The following ATP6AP1 variants were observed in gnomAD, a reference collection of about 807,000 sequenced individuals.
ATP6AP1 encodes ATPase H+ transporting accessory protein 1.
In ATP6AP1, 1 loss-of-function variant was observed where a neutral mutation model predicts 32.0. That is an observed-to-expected ratio of 0.03 (90% CI 0.01 to 0.15). The LOEUF (loss-of-function observed/expected upper bound fraction) is 0.15. Among genes scored for constraint, ATP6AP1 ranks in the 10% least tolerant of loss-of-function variants. The pLI, the probability that ATP6AP1 is intolerant of heterozygous loss-of-function variation, is 1.00. For synonymous variants in ATP6AP1, 187 were observed against 174.9 expected, an observed-to-expected ratio of 1.07 and a Z score of -0.55; for missense variants, 297 against 398.8, an observed-to-expected ratio of 0.74 and a Z score of 2.17.
chrX:154,436,143 G>GT lies in ATP6AP1; in HGVS notation c.*253dup, dbSNP rs1263999423. 1.2e-5 allele frequency: 5 copies of GT among 403,602 alleles called. No homozygotes were observed. The highest frequency in any genetic ancestry group is 7.5e-5 in the African/African-American group (3 of 40,101). The allele number at this position is 403,602 out of a possible 1,213,427, so 33.3% of individuals were successfully genotyped here. On this transcript the variant is annotated 3_prime_UTR_variant, in exon 10 of 10. Coordinates refer to ENST00000369762, the MANE Select transcript of ATP6AP1 (RefSeq NM_001183.6). ...TTCCCAGGGTTCGTCGCTGTGAGGC[G>GT]TAAGGGACATGAATTCTAGGGTCTC... is the stretch of plus-strand genomic sequence containing the variant.
chrX:154,433,550 A>C, intron 5 of ATP6AP1, 85 bp from the exon 6 acceptor site: 1 of 950,248 alleles, frequency 1.1e-6, no homozygotes, highest in Non-Finnish European at 1.5e-6. Context: ...ATGGTCTAGA[A>C]GGTTTCTAAA....
chrX:154,428,900 G>C, intron 1 of ATP6AP1, 47 bp downstream of exon 1: 4 of 1,088,613 alleles, frequency 3.7e-6, no homozygotes, highest in Non-Finnish European at 4.7e-6. Flanking sequence ...AGGCGCCCTC[G>C]CCCGACTCCG....
rs782385991 is a variant in ATP6AP1, at chrX:154,435,824, G to T, written c.1346G>T (p.Ser449Ile). 10 of 1,210,305 alleles carry T rather than the reference G, an allele frequency of 8.3e-6. No homozygotes were observed. In the South Asian group the frequency reaches 1.8e-4, roughly 21 times the overall value. ...ACCTATGGCCTGCACATGATCCTCAGCCTCAAGACCATGGATCGCTTTGAT... is the reference window on the plus strand; with the variant it reads ...ACCTATGGCCTGCACATGATCCTCATCCTCAAGACCATGGATCGCTTTGAT... Reference protein sequence around the residue: ...IFTYGLHMILSLKTMDRFDDH... With the variant: ...IFTYGLHMILILKTMDRFDDH... Residue 449 changes from serine (S) to isoleucine (I), a missense_variant, in exon 10 of 10, where the codon AGC (serine) becomes ATC (isoleucine). This residue lies in a region of ATP6AP1 where 155 missense variants were observed against 253.8 expected (regional missense o/e 0.61). Coordinates refer to ENST00000369762, the MANE Select transcript of ATP6AP1 (RefSeq NM_001183.6).
rs782384749 is a variant in ATP6AP1, at chrX:154,435,312, G to A, written c.1010G>A (p.Arg337Gln). Reference protein sequence around the residue: ...LANRLYPVSARHWFTMERLEV... With the variant: ...LANRLYPVSAQHWFTMERLEV... Reference sequence around the variant, plus strand: ...AACCGCCTCTACCCAGTGTCTGCCCGGCACTGGTTTACCATGGAGCGCCTC... The same window carrying A: ...AACCGCCTCTACCCAGTGTCTGCCCAGCACTGGTTTACCATGGAGCGCCTC... The change falls in exon 9 of 10, where the codon CGG becomes CAG. Residue 337 changes from arginine to glutamine, a missense_variant. Arg to Gln is a conservative substitution (Grantham distance 43, BLOSUM62 1). Transcript: ENST00000369762. The A allele has an allele frequency of 3.3e-6, 4 of 1,210,175 alleles. No homozygotes were observed. Among genetic ancestry groups the A allele is most frequent in the Admixed American group, 2.2e-5 (1 of 45,856 alleles).
Position 154,432,321 on chromosome X carries a change from C to G in ATP6AP1, c.419C>G (p.Ala140Gly), listed in dbSNP as rs1466455409. The change falls in exon 4 of 10, where the codon GCA becomes GGA. Residue 140 changes from alanine (A) to glycine (G), a missense_variant. Physicochemically the swap from Ala to Gly is moderately conservative, Grantham distance 60. Coordinates refer to ENST00000369762, the MANE Select transcript of ATP6AP1 (RefSeq NM_001183.6). ...SLVLPAVDWY[A>G]VSTLTTYLQE... ...GTGCTTCCTGCCGTCGACTGGTATGCAGTCAGCACTCTGACCACTTACCTG... is the reference window on the plus strand; with the variant it reads ...GTGCTTCCTGCCGTCGACTGGTATGGAGTCAGCACTCTGACCACTTACCTG... The G allele has an allele frequency of 8.2e-7, 1 of 1,212,254 alleles. No homozygotes were observed.
chrX:154,435,379 C>T lies in ATP6AP1; in HGVS notation c.1077C>T (p.Ser359=). The change falls in exon 9 of 10, where the codon TCC becomes TCT. Residue 359 remains serine, a synonymous_variant. Coordinates refer to ENST00000369762, the MANE Select transcript of ATP6AP1 (RefSeq NM_001183.6). ...GCTCCGTCGCCTACTTCAATGCTTC[C>T]CAGGTCACAGGGCCCAGCATCTACT... is the stretch of plus-strand genomic sequence containing the variant. ...SNGSVAYFNA[S]QVTGPSIYSF... is the part of the protein sequence containing the mutation. 8.2e-7 allele frequency: 1 copy of T among 1,212,211 alleles called. No individual in the cohort carries two copies. Among genetic ancestry groups the T allele is most frequent in the Non-Finnish European group, 1.1e-6 (1 of 895,588 alleles).
At chrX:154,433,371 G>A (rs1557197139) in intron 5 of ATP6AP1, among the ~76,000 whole-genome samples, 1 of 112,401 alleles carries the variant, frequency 8.9e-6, no homozygotes, top group African/African-American at 3.2e-5. Context: ...GGTGGATGTG[G>A]AGTTTTCTGT....
rs782163047 is a variant in ATP6AP1, at chrX:154,429,260, G to C, written c.288+86G>C. The C allele has an allele frequency of 1.1e-4, 127 of 1,110,628 alleles. No homozygotes were observed. In the African/African-American group the frequency reaches 1.9e-3, roughly 17 times the overall value. The allele number at this position is 1,110,628 out of a possible 1,213,427, so 91.5% of individuals were successfully genotyped here. A position where few individuals can be genotyped will look rare whatever the true frequency, so the allele number is the denominator to read the frequency against. ...CATGACACTGACGCCCATTCCCCAA[G>C]GGAAGCTTCAGTGACCTTGTCCCAA... On this transcript the variant is annotated intron_variant, in intron 2 of 9. Coordinates refer to ENST00000369762, the MANE Select transcript of ATP6AP1 (RefSeq NM_001183.6).
chrX:154,435,013 GCTT>G, intron 7 of ATP6AP1, 123 bp from the exon 8 acceptor site: 1 of 728,759 alleles, frequency 1.4e-6, no homozygotes, highest in Non-Finnish European at 2.0e-6. Flanking sequence ...TGGGGACACT[GCTT>G]CTTCAGGTGG....
At chrX:154,435,002 G>A (rs2068711549) in intron 7 of ATP6AP1, 137 bp from the exon 8 acceptor site, 1 of 666,889 alleles carries the variant, frequency 1.5e-6, no homozygotes, top group East Asian at 3.5e-5. Flanking sequence ...TATCTGTCAA[G>A]TGGGGACACT....
At position 154,429,369 on chromosome X, in the gene ATP6AP1, A is replaced by G. The variant is rs1318216471; in HGVS notation, c.288+195A>G. 8.0e-6 allele frequency: 4 copies of G among 499,955 alleles called. No homozygotes were observed. The East Asian group carries it at 1.6e-4, about 20-fold the overall frequency. 41.2% of individuals were successfully genotyped at this position (499,955 alleles called of 1,213,427 possible). On this transcript the variant is annotated intron_variant, in intron 2 of 9. Coordinates refer to ENST00000369762, the MANE Select transcript of ATP6AP1 (RefSeq NM_001183.6). ...TGGCGACAGCCTCGGAAATGGCACCAACTTGATTGGAGGAAGCGACGGACC... is the reference window on the plus strand; with the variant it reads ...TGGCGACAGCCTCGGAAATGGCACCGACTTGATTGGAGGAAGCGACGGACC...
In ATP6AP1 at chrX:154,431,882, A is replaced by G. The variant is rs782002491; in HGVS notation, c.341A>G (p.Asp114Gly). ...AYGGVFGNKQ[D>G]SAFSNLENAL... ...GGCGGTGTGTTTGGAAACAAGCAGG[A>G]CAGCGCCTTTTCTAACCTAGAGGTG... is the stretch of plus-strand genomic sequence containing the variant. The change falls in exon 3 of 10, where the codon GAC becomes GGC. Residue 114 changes from aspartate (D) to glycine (G), a missense_variant. Transcript: ENST00000369762. 61 of 1,210,049 alleles carry G rather than the reference A, an allele frequency of 5.0e-5. No individual in the cohort carries two copies. Among genetic ancestry groups the G allele is most frequent in the Non-Finnish European group, 6.7e-5 (60 of 895,231 alleles).
chrX:154,432,182 G>A (rs781897326), intron 3 of ATP6AP1, 84 bp from the exon 4 acceptor site: 1 of 951,077 alleles, frequency 1.1e-6, no homozygotes, highest in African/African-American at 1.9e-5. Flanking sequence ...CTTGCCAGAG[G>A]AGAGCTGCCA....
intron 9 of ATP6AP1, 31 bp from the exon 10 acceptor site, chrX:154,435,651 C>T (rs2068715432): frequency 1.7e-6 from 2 of 1,203,604 alleles, no homozygotes; most frequent in African/African-American, 3.5e-5. Context: ...TCCCAACGGT[C>T]CTTTCTGACC....
chrX:154,436,299 T>G lies in ATP6AP1; in HGVS notation c.*408T>G. On this transcript the variant is annotated 3_prime_UTR_variant, in exon 10 of 10. Coordinates refer to ENST00000369762, the MANE Select transcript of ATP6AP1 (RefSeq NM_001183.6). The stretch of plus-strand genomic sequence containing the variant: ...AGTGTGGAAGTACTACTTAACTGTC[T>G]GTCCTGCTTGGCTGTCGTTATCGTT... The G allele has an allele frequency of 6.5e-6, 1 of 153,979 alleles. No homozygotes were observed. The highest frequency in any genetic ancestry group is 1.7e-4 in the East Asian group (1 of 5,842). The allele number at this position is 153,979 out of a possible 1,213,427, so 12.7% of individuals were successfully genotyped here.
intron 2 of ATP6AP1, chrX:154,430,347 C>T (rs2068686953): frequency 8.9e-6 from 1 of 111,923 alleles, no homozygotes; most frequent in African/African-American, 3.3e-5. Flanking sequence ...TCTTGAACTC[C>T]TGACCTCGTG....
chrX:154,434,103 TG>T, intron 6 of ATP6AP1, 104 bp from the exon 7 acceptor site: 1 of 796,072 alleles, frequency 1.3e-6, no homozygotes, highest in Non-Finnish European at 1.9e-6. Context: ...TTTGAGATAG[TG>T]GACAGGGTGT....
chrX:154,429,402 A>T, intron 2 of ATP6AP1: 1 of 415,109 alleles, frequency 2.4e-6, no homozygotes, highest in Non-Finnish European at 4.3e-6. Context: ...ACCAGAGGCC[A>T]GGTACCTACT....
At chrX:154,435,535 TG>T (rs782299035) in intron 9 of ATP6AP1, 30 bp downstream of exon 9, 1 of 1,200,101 alleles carries the variant, frequency 8.3e-7, no homozygotes, top group Non-Finnish European at 1.1e-6. Context: ...CAGCTTCAGG[TG>T]GGGGAGCCCA....
Sources: gnomAD v4.1 joint callset for allele counts (sites outside exome capture counted in the v4.1 genomes callset) on GRCh38, gnomAD v4.1.1 for gene constraint, gnomAD v4.1.1 regional missense constraint, MANE v1.5 for transcripts, NCBI Gene and HGNC (gene_info 2026-07-23, HGNC 2026-07-21) for gene names.